The following TIAM2 variants were observed in gnomAD, a reference collection of about 807,000 sequenced individuals.
TIAM2 encodes rho guanine nucleotide exchange factor TIAM2.
In TIAM2, 80 loss-of-function variants were observed where a neutral mutation model predicts 152.9. That is an observed-to-expected ratio of 0.52 (90% confidence interval 0.44 to 0.63). TIAM2 has a LOEUF of 0.63. Ranked by LOEUF, TIAM2 falls within the 30% of genes least tolerant of loss-of-function variation. The pLI, the probability that TIAM2 is intolerant of heterozygous loss-of-function variation, is 0.00. For synonymous variants in TIAM2, 804 were observed against 838.0 expected (o/e 0.96, Z 0.70); for missense variants, 1,965 against 2,120.1 (o/e 0.93, Z 1.44).
At chr6:155,134,397 AC>A (rs35487009) in intron 4 of TIAM2, among the ~76,000 whole-genome samples, 68,368 of 111,036 alleles carry the variant, frequency 0.62, 18,502 homozygotes, top group South Asian at 0.72. Context: ...GCATCCCCCC[AC>A]CCCCCCCCAT....
In TIAM2 at chr6:155,235,105, C is replaced by T. The variant is rs75287616; in HGVS notation, c.3169-5425C>T. Among the ~76,000 whole-genome samples the T allele has an allele frequency of 2.3e-3, 346 of 152,238 alleles. 2 individuals carry two copies. The East Asian group carries it at 0.036, about 16-fold the overall frequency. The stretch of plus-strand genomic sequence containing the variant: ...ACGGGCCCTGTGCCATTTAAGGTCT[C>T]GCTGAAGCCTCCTTGCCCCTCAGCT... On this transcript the variant is annotated intron_variant, in intron 15 of 26. Coordinates refer to ENST00000682666, the MANE Select transcript of TIAM2 (RefSeq NM_012454.4).
chr6:155,103,029 A>G (rs1486672163), intron 2 of TIAM2, among the ~76,000 whole-genome samples: 2 of 152,180 alleles, frequency 1.3e-5, no homozygotes, highest in Non-Finnish European at 2.9e-5. Context: ...ATCTTTGCCA[A>G]GGAATTTAAT....
intron 1 of TIAM2, among the ~76,000 whole-genome samples, chr6:155,088,543 CAGTT>C (rs1209147133): frequency 1.3e-5 from 2 of 152,214 alleles, no homozygotes; most frequent in African/African-American, 4.8e-5. Flanking sequence ...TTTCATTAAA[CAGTT>C]AGAATAACCC....
chr6:155,003,281 G>A (rs1456681932), intron 1 of TIAM2, among the ~76,000 whole-genome samples: 1 of 152,086 alleles, frequency 6.6e-6, no homozygotes, highest in East Asian at 1.9e-4. Context: ...TCTAGATTCT[G>A]TTGTGGAATA....
Position 155,248,115 on chromosome 6 carries a change from G to A in TIAM2, c.3768G>A (p.Pro1256=), listed in dbSNP as rs139744562. The A allele has an allele frequency of 2.6e-4, 418 of 1,614,028 alleles. No individual in the cohort carries two copies. The highest frequency in any genetic ancestry group is 3.2e-4 in the Non-Finnish European group (374 of 1,180,044). ...IKPVQRVLKY[P]LLLKELVSLT... is the part of the protein sequence containing the mutation. Reference sequence around the variant, plus strand: ...CGGTTCAGAGAGTGCTCAAGTACCCGCTGCTGCTCAAGGAGCTGGTGTCCC... The same window carrying A: ...CGGTTCAGAGAGTGCTCAAGTACCCACTGCTGCTCAAGGAGCTGGTGTCCC... Residue 1256 remains proline (P), a synonymous_variant, in exon 20 of 27, where the codon CCG becomes CCA. Transcript: ENST00000682666.
At chr6:155,069,418 T>A (rs1777783770) in intron 1 of TIAM2, among the ~76,000 whole-genome samples, 1 of 151,618 alleles carries the variant, frequency 6.6e-6, no homozygotes, top group Non-Finnish European at 1.5e-5. Context: ...ATAGTAGATT[T>A]TCCATTGTTT....
intron 15 of TIAM2, among the ~76,000 whole-genome samples, chr6:155,233,284 G>A (rs1354223955): frequency 6.6e-6 from 1 of 152,180 alleles, no homozygotes; most frequent in African/African-American, 2.4e-5. Flanking sequence ...TATCAAAGTT[G>A]TTGTGATCAA....
At chr6:155,099,206 ATG>A (rs1562315382) in intron 2 of TIAM2, among the ~76,000 whole-genome samples, 1 of 98,660 alleles carries the variant, frequency 1.0e-5, no homozygotes, top group African/African-American at 3.5e-5. Context: ...TCTCATCTAT[ATG>A]TGTATATATA....
At position 155,022,116 on chromosome 6, in the gene TIAM2, C is replaced by T. The variant is rs536631400; in HGVS notation, c.-209+26624C>T. The stretch of plus-strand genomic sequence containing the variant: ...CCAAAGGAGCTTAGGAAAATGAACT[C>T]ACTCGTCCTGATATAGCTCTCACAA... On this transcript the variant is annotated intron_variant, in intron 1 of 26. Transcript: ENST00000682666. Among the ~76,000 whole-genome samples, 4 of 152,296 alleles carry T rather than the reference C, an allele frequency of 2.6e-5. No individual in the cohort carries two copies. In the South Asian group the frequency reaches 8.3e-4, roughly 32 times the overall value.
chr6:155,021,076 C>T (rs1400793971), intron 1 of TIAM2, among the ~76,000 whole-genome samples: 1 of 152,078 alleles, frequency 6.6e-6, no homozygotes, highest in African/African-American at 2.4e-5. Context: ...CCTTTTAAAG[C>T]GAAATAATAT....
chr6:155,222,102 C>T (rs1320781790), intron 15 of TIAM2, among the ~76,000 whole-genome samples: 3 of 151,990 alleles, frequency 2.0e-5, no homozygotes, highest in East Asian at 2.0e-4. Context: ...CACAGGTGCA[C>T]GCCACCATGC....
intron 1 of TIAM2, among the ~76,000 whole-genome samples, chr6:155,051,074 T>C (rs923875905): frequency 2.6e-5 from 4 of 152,184 alleles, no homozygotes; most frequent in African/African-American, 9.7e-5. Flanking sequence ...TGGTACCTAG[T>C]GGGCCTGGAG....
At chr6:155,208,990 C>T (rs1781655524) in intron 14 of TIAM2, among the ~76,000 whole-genome samples, 1 of 152,036 alleles carries the variant, frequency 6.6e-6, no homozygotes, top group Non-Finnish European at 1.5e-5. Context: ...CCCACCCCGC[C>T]TTGTCATCTT....
intron 1 of TIAM2, among the ~76,000 whole-genome samples, chr6:155,024,070 A>G (rs1204992569): frequency 6.6e-6 from 1 of 152,120 alleles, no homozygotes; most frequent in African/African-American, 2.4e-5. Context: ...ACAGGCTTAG[A>G]GAGGGTGGGT....
chr6:155,155,623 C>T (rs963709641), intron 7 of TIAM2, among the ~76,000 whole-genome samples: 8 of 152,066 alleles, frequency 5.3e-5, no homozygotes, highest in African/African-American at 7.2e-5. Flanking sequence ...TACAGGCGTA[C>T]GCCACCACAC....
intron 1 of TIAM2, among the ~76,000 whole-genome samples, chr6:155,028,320 TATATACTACATATA>T (rs1776674496): frequency 9.1e-6 from 1 of 109,658 alleles, no homozygotes; most frequent in East Asian, 2.3e-4. Flanking sequence ...CTGTGTTACA[TATATACTACATATA>T]ATATATACTG....
chr6:155,203,575 C>G (rs1781530401), intron 14 of TIAM2, among the ~76,000 whole-genome samples: 1 of 152,140 alleles, frequency 6.6e-6, no homozygotes, highest in Non-Finnish European at 1.5e-5. Flanking sequence ...TAGTTGAAAA[C>G]TTAATTAAAC....
intron 1 of TIAM2, among the ~76,000 whole-genome samples, chr6:155,050,891 A>G (rs1777303938): frequency 6.6e-6 from 1 of 152,146 alleles, no homozygotes; most frequent in African/African-American, 2.4e-5. Flanking sequence ...AGAGTCCCCC[A>G]TCTCTCTTGG....
chr6:155,004,154 G>C (rs1583145874), intron 1 of TIAM2, among the ~76,000 whole-genome samples: 1 of 152,256 alleles, frequency 6.6e-6, no homozygotes, highest in African/African-American at 2.4e-5. Context: ...GGGATTACAG[G>C]CATGAGCCAC....
Sources: allele counts gnomAD v4.1 joint callset (sites outside exome capture counted in the v4.1 genomes callset), GRCh38; gene constraint gnomAD v4.1.1; transcripts MANE v1.5; gene names NCBI Gene and HGNC (gene_info 2026-07-23, HGNC 2026-07-21).